Variants in KCNN2 observed in about 807,000 individuals in gnomAD.
KCNN2 encodes potassium calcium-activated channel subfamily N member 2.
KCNN2 carries 24 observed loss-of-function variants against 55.5 expected under a neutral mutation model. That is an observed-to-expected ratio of 0.43 (90% CI 0.31 to 0.61). The LOEUF is 0.61. Ranked by LOEUF, KCNN2 falls within the 20% of genes least tolerant of loss-of-function variation. The probability of loss-of-function intolerance (pLI) is 0.08; values close to 1 mark genes in which losing one functional copy is unlikely to be tolerated. For missense variants in KCNN2, 754 were observed against 853.6 expected, an observed-to-expected ratio of 0.88 and a Z score of 1.45; for synonymous variants, 431 against 336.1, an observed-to-expected ratio of 1.28 and a Z score of -3.09.
At chr5:114,447,324 G>A (rs1346399211) in intron 3 of KCNN2, among the ~76,000 whole-genome samples, 1 of 152,244 alleles carries the variant, frequency 6.6e-6, no homozygotes, top group Non-Finnish European at 1.5e-5. Context: ...ACTGCACTGA[G>A]AACTGAATGG....
chr5:114,077,389 A>G (rs1396492358), intron 1 of KCNN2, among the ~76,000 whole-genome samples: 1 of 152,314 alleles, frequency 6.6e-6, no homozygotes, highest in East Asian at 1.9e-4. Context: ...AGAGATGCCT[A>G]GGGTCTCTGG....
chr5:114,270,641 A>G (rs562117619), intron 2 of KCNN2, among the ~76,000 whole-genome samples: 1 of 152,240 alleles, frequency 6.6e-6, no homozygotes, highest in African/African-American at 2.4e-5. Flanking sequence ...CCTGTTTCAT[A>G]TTTTACTCCC....
chr5:114,269,774 A>G (rs1755286655), intron 2 of KCNN2, among the ~76,000 whole-genome samples: 1 of 152,174 alleles, frequency 6.6e-6, no homozygotes, highest in Non-Finnish European at 1.5e-5. Flanking sequence ...ATTGCAAACT[A>G]ATTTGATTGT....
At chr5:114,341,420 G>A (rs1757012719) in intron 2 of KCNN2, among the ~76,000 whole-genome samples, 1 of 152,126 alleles carries the variant, frequency 6.6e-6, no homozygotes, top group Admixed American at 6.5e-5. Context: ...AAAAGGAGAT[G>A]AATGCTAGAA....
chr5:114,354,047 G>A (rs1757256913), intron 2 of KCNN2, among the ~76,000 whole-genome samples: 1 of 151,526 alleles, frequency 6.6e-6, no homozygotes, highest in Non-Finnish European at 1.5e-5. Context: ...TCCATTTCAT[G>A]TCTCTTGGTG....
At chr5:114,172,804 G>A (rs1478393597) in intron 1 of KCNN2, among the ~76,000 whole-genome samples, 1 of 151,370 alleles carries the variant, frequency 6.6e-6, no homozygotes, top group South Asian at 2.1e-4. Flanking sequence ...TTTCTGTAGA[G>A]TTGAGTTCTT....
intron 1 of KCNN2, among the ~76,000 whole-genome samples, chr5:114,167,205 G>C (rs1252805103): frequency 6.6e-6 from 1 of 152,028 alleles, no homozygotes; most frequent in South Asian, 2.1e-4. Flanking sequence ...TCTCAGCTGA[G>C]GTCATAGACA....
At chr5:114,325,421 G>C (rs1756695841) in intron 2 of KCNN2, among the ~76,000 whole-genome samples, 1 of 152,224 alleles carries the variant, frequency 6.6e-6, no homozygotes, top group Admixed American at 6.5e-5. Flanking sequence ...ATCCATTAGA[G>C]AAAAAGCTGA....
intron 1 of KCNN2, among the ~76,000 whole-genome samples, chr5:114,128,327 A>G (rs1277964712): frequency 6.6e-6 from 1 of 152,188 alleles, no homozygotes; most frequent in East Asian, 1.9e-4. Context: ...CCTTCTTCAC[A>G]TGGCAACAGC....
intron 1 of KCNN2, among the ~76,000 whole-genome samples, chr5:114,068,359 A>C (rs1039333465): frequency 1.3e-5 from 2 of 152,206 alleles, no homozygotes; most frequent in Non-Finnish European, 2.9e-5. Flanking sequence ...ATTTGGAGTT[A>C]ATTGAAAATG....
At chr5:114,350,337 G>C (rs180821614) in intron 2 of KCNN2, among the ~76,000 whole-genome samples, 7 of 151,870 alleles carry the variant, frequency 4.6e-5, no homozygotes, top group Admixed American at 3.3e-4. Flanking sequence ...AGTTATAAGA[G>C]TTCTTTATAT....
chr5:114,131,830 A>G (rs1484706103), intron 1 of KCNN2, among the ~76,000 whole-genome samples: 2 of 152,168 alleles, frequency 1.3e-5, no homozygotes, highest in African/African-American at 2.4e-5. Flanking sequence ...TCTGACTGGC[A>G]TAAGATGGTA....
intron 1 of KCNN2, among the ~76,000 whole-genome samples, chr5:114,097,146 C>T (rs1372084008): frequency 6.6e-6 from 1 of 152,162 alleles, no homozygotes; most frequent in Non-Finnish European, 1.5e-5. Flanking sequence ...ATTTGATAGA[C>T]ATTGTTCGGG....
intron 1 of KCNN2, among the ~76,000 whole-genome samples, chr5:114,096,743 C>T (rs1180551151): frequency 2.6e-5 from 4 of 152,144 alleles, no homozygotes; most frequent in Non-Finnish European, 5.9e-5. Context: ...ACTGGAAAGT[C>T]CTGGAGACTC....
chr5:114,331,238 G>C (rs984997771), intron 2 of KCNN2, among the ~76,000 whole-genome samples: 5 of 152,174 alleles, frequency 3.3e-5, no homozygotes, highest in Non-Finnish European at 2.9e-5. Context: ...GGAAGTTTGA[G>C]AGGAAATAAT....
At chr5:114,064,058 C>T (rs936415152) in intron 1 of KCNN2, among the ~76,000 whole-genome samples, 2 of 152,140 alleles carry the variant, frequency 1.3e-5, no homozygotes, top group Admixed American at 6.5e-5. Context: ...GAGAGCTTAA[C>T]GAAATGCTTG....
intron 2 of KCNN2, among the ~76,000 whole-genome samples, chr5:114,381,774 G>A (rs61223690): frequency 0.022 from 3,338 of 152,244 alleles, 97 homozygotes; most frequent in African/African-American, 0.072. Context: ...GTGGTTTTCT[G>A]TGGCTATGCT....
chr5:114,093,826 G>A (rs2112559247), intron 1 of KCNN2, among the ~76,000 whole-genome samples: 1 of 152,242 alleles, frequency 6.6e-6, no homozygotes, highest in African/African-American at 2.4e-5. Flanking sequence ...TTGACAAGTG[G>A]GGATTATAGG....
intron 1 of KCNN2, among the ~76,000 whole-genome samples, chr5:114,203,622 A>G (rs1017272046): frequency 1.3e-5 from 2 of 152,182 alleles, no homozygotes; most frequent in Non-Finnish European, 2.9e-5. Context: ...AAAGCTTGAG[A>G]AAGATATTGT....
Sources: allele counts gnomAD v4.1 joint callset (sites outside exome capture counted in the v4.1 genomes callset), GRCh38; gene constraint gnomAD v4.1.1; transcripts MANE v1.5; gene names NCBI Gene and HGNC (gene_info 2026-07-23, HGNC 2026-07-21).